The following PPARGC1A variants were observed in gnomAD, a reference collection of about 807,000 sequenced individuals.
PPARGC1A encodes PPARG coactivator 1 alpha, also known as peroxisome proliferator-activated receptor gamma coactivator 1-alpha.
Under a neutral mutation model 88.7 loss-of-function variants are expected in PPARGC1A, and 25 were observed. The ratio of observed to expected loss-of-function variants is 0.28; its 90% CI spans 0.21 to 0.39. The LOEUF is 0.39. Among genes scored for constraint, PPARGC1A ranks in the 10% least tolerant of loss-of-function variants. The pLI, the probability that PPARGC1A is intolerant of heterozygous loss-of-function variation, is 1.00. For synonymous variants in PPARGC1A, 363 were observed against 355.6 expected (o/e 1.02, Z -0.24); for missense variants, 880 against 968.7 (o/e 0.91, Z 1.22).
the PPARGC1A span, among the ~76,000 whole-genome samples, chr4:24,208,681 AAAT>A: frequency 0.014 from 1,930 of 142,300 alleles, 26 homozygotes; most frequent in East Asian, 0.058. Context: ...CTCAGAAAAA[AAAT>A]ATATATATAT....
chr4:24,143,584 A>G, the PPARGC1A span, among the ~76,000 whole-genome samples: 1 of 151,882 alleles, frequency 6.6e-6, no homozygotes, highest in Admixed American at 6.6e-5. Flanking sequence ...AATAGCCCAC[A>G]TATTAGACAG....
At chr4:24,017,855 T>C in the PPARGC1A span, among the ~76,000 whole-genome samples, 1 of 152,166 alleles carries the variant, frequency 6.6e-6, no homozygotes, top group African/African-American at 2.4e-5. Flanking sequence ...TTGGGACAAA[T>C]ATATTTTTCC....
chr4:24,055,229 A>G, the PPARGC1A span, among the ~76,000 whole-genome samples: 1 of 152,160 alleles, frequency 6.6e-6, no homozygotes, highest in Non-Finnish European at 1.5e-5. Flanking sequence ...TGATTGTGAA[A>G]CCACAGTTCT....
At chr4:24,238,745 A>ATGTGTGTG in the PPARGC1A span, among the ~76,000 whole-genome samples, 1,892 of 121,758 alleles carry the variant, frequency 0.016, 14 homozygotes, top group South Asian at 0.022. Context: ...AAGGTTGTAT[A>ATGTGTGTG]TGTGTGTGTG....
the PPARGC1A span, among the ~76,000 whole-genome samples, chr4:24,447,271 T>C: frequency 9.2e-5 from 14 of 152,082 alleles, no homozygotes; most frequent in Non-Finnish European, 2.1e-4. Context: ...CTCTGCTGAG[T>C]ACACAAGGGA....
the PPARGC1A span, among the ~76,000 whole-genome samples, chr4:24,450,978 CT>C: frequency 2.6e-5 from 4 of 152,184 alleles, no homozygotes; most frequent in Non-Finnish European, 1.5e-5. Context: ...TTTCAGAACT[CT>C]TCTGAGTCTG....
At chr4:24,111,552 C>CATTAA in the PPARGC1A span, among the ~76,000 whole-genome samples, 1 of 152,140 alleles carries the variant, frequency 6.6e-6, no homozygotes, top group Admixed American at 6.5e-5. Flanking sequence ...CATGGTTTCA[C>CATTAA]ATTAAATTAA....
At chr4:23,855,189 C>T (rs1011032084) in intron 2 of PPARGC1A, among the ~76,000 whole-genome samples, 3 of 152,230 alleles carry the variant, frequency 2.0e-5, no homozygotes, top group Admixed American at 6.5e-5. Flanking sequence ...GCCTCCCCAG[C>T]CATATGGAGC....
chr4:23,813,190 C>T (rs1463304157), intron 8 of PPARGC1A, 65 bp from the exon 9 acceptor site: 2 of 1,332,276 alleles, frequency 1.5e-6, no homozygotes, highest in Non-Finnish European at 2.2e-6. Flanking sequence ...TTTATCGGCA[C>T]TGTGGAGCAT....
intron 2 of PPARGC1A, among the ~76,000 whole-genome samples, chr4:23,865,757 G>A (rs1055964873): frequency 6.6e-6 from 1 of 152,168 alleles, no homozygotes; most frequent in Non-Finnish European, 1.5e-5. Flanking sequence ...ATCTGCGGCT[G>A]AAATCTATTT....
chr4:24,286,033 A>G, the PPARGC1A span, among the ~76,000 whole-genome samples: 3 of 152,088 alleles, frequency 2.0e-5, no homozygotes, highest in African/African-American at 7.2e-5. Flanking sequence ...CAATCCCCTG[A>G]GGTTCAACCA....
At chr4:24,206,607 T>G in the PPARGC1A span, among the ~76,000 whole-genome samples, 2 of 152,088 alleles carry the variant, frequency 1.3e-5, no homozygotes, top group Admixed American at 6.5e-5. Flanking sequence ...TGAGGCAGGT[T>G]GATCACTTGA....
At chr4:24,071,850 T>C in the PPARGC1A span, among the ~76,000 whole-genome samples, 1 of 152,292 alleles carries the variant, frequency 6.6e-6, no homozygotes, top group Non-Finnish European at 1.5e-5. Flanking sequence ...TGAATTCACC[T>C]GGATCATGAG....
chr4:24,241,354 C>T, the PPARGC1A span, among the ~76,000 whole-genome samples: 1 of 152,152 alleles, frequency 6.6e-6, no homozygotes. Flanking sequence ...CCAAGTTAAA[C>T]AATAGACTTG....
chr4:23,970,548 G>A, the PPARGC1A span, among the ~76,000 whole-genome samples: 1 of 152,204 alleles, frequency 6.6e-6, no homozygotes, highest in African/African-American at 2.4e-5. Flanking sequence ...GAGGGGGTAG[G>A]TAACGGGGTT....
the PPARGC1A span, among the ~76,000 whole-genome samples, chr4:24,164,259 T>C: frequency 5.9e-5 from 9 of 152,154 alleles, no homozygotes; most frequent in Admixed American, 5.2e-4. Flanking sequence ...TGGTACCCGA[T>C]GCAGAAGCAA....
the PPARGC1A span, among the ~76,000 whole-genome samples, chr4:24,163,395 G>T: frequency 1.3e-5 from 2 of 151,942 alleles, no homozygotes; most frequent in Non-Finnish European, 2.9e-5. Flanking sequence ...ACACAGCCCT[G>T]TCGGGGTTCA....
the PPARGC1A span, among the ~76,000 whole-genome samples, chr4:24,224,486 A>T: frequency 2.6e-5 from 4 of 152,246 alleles, no homozygotes; most frequent in South Asian, 8.3e-4. Context: ...GCGATGCCTA[A>T]ATGCTAACAC....
the PPARGC1A span, among the ~76,000 whole-genome samples, chr4:24,159,404 T>G: frequency 6.6e-6 from 1 of 151,914 alleles, no homozygotes; most frequent in South Asian, 2.1e-4. Flanking sequence ...ACAGACAGGG[T>G]TTCACCATGT....
Sources: gnomAD v4.1 joint callset for allele counts (sites outside exome capture counted in the v4.1 genomes callset) on GRCh38, gnomAD v4.1.1 for gene constraint, MANE v1.5 for transcripts, NCBI Gene and HGNC (gene_info 2026-07-23, HGNC 2026-07-21) for gene names.